ARMH3: variants seen among roughly 807,000 people sequenced by gnomAD.
ARMH3 encodes armadillo-like helical domain-containing protein 3.
A neutral mutation model predicts 99.1 loss-of-function variants in ARMH3; 60 were observed. The ratio of observed to expected loss-of-function variants is 0.61; its 90% CI spans 0.49 to 0.75. The LOEUF is 0.75. ARMH3 is among the 30% of genes least tolerant of loss of function. The pLI is 0.00. For missense variants in ARMH3, 679 were observed against 843.1 expected (o/e 0.81, Z 2.41); for synonymous variants, 285 against 292.8 (o/e 0.97, Z 0.27).
intron 25 of ARMH3, among the ~76,000 whole-genome samples, chr10:101,847,985 CTG>C (rs1165165125): frequency 6.6e-6 from 1 of 152,208 alleles, no homozygotes; most frequent in Non-Finnish European, 1.5e-5. Flanking sequence ...GGAGGAGAAA[CTG>C]AGGCCAGAAG....
intron 1 of ARMH3, among the ~76,000 whole-genome samples, chr10:102,047,685 G>A (rs1250444726): frequency 6.6e-6 from 1 of 151,798 alleles, no homozygotes; most frequent in African/African-American, 2.4e-5. Flanking sequence ...ACGAGATTTC[G>A]CCATGTTGCC....
chr10:101,866,377 C>T (rs2067002945), intron 24 of ARMH3, among the ~76,000 whole-genome samples: 1 of 151,128 alleles, frequency 6.6e-6, no homozygotes, highest in Non-Finnish European at 1.5e-5. Flanking sequence ...AGAGTCAGAG[C>T]ATTACAAGAA....
chr10:101,913,361 C>CTCTTTTTTTTTT (rs57213877), intron 23 of ARMH3: 1 of 70,278 alleles, frequency 1.4e-5, no homozygotes, highest in Admixed American at 1.9e-4. Flanking sequence ...CTCTCTCTCT[C>CTCTTTTTTTTTT]TTTTTTTTTT....
At chr10:101,951,758 C>T (rs1564787168) in intron 22 of ARMH3, among the ~76,000 whole-genome samples, 1 of 151,646 alleles carries the variant, frequency 6.6e-6, no homozygotes, top group Non-Finnish European at 1.5e-5. Context: ...ATCCCATTTA[C>T]CTGGGAGGCT....
chr10:102,007,370 T>C lies in ARMH3; in HGVS notation c.955-737A>G, dbSNP rs1026798215. Among the ~76,000 whole-genome samples the C allele has an allele frequency of 2.7e-5, 4 of 147,150 alleles. No individual in the cohort carries two copies. The East Asian group carries it at 8.0e-4, about 29-fold the overall frequency. On this transcript the variant is annotated intron_variant, in intron 13 of 25. Transcript: ENST00000370033. ...AAAAAAAAACTGGGGTCAACAAATA[T>C]ACAGGATTATTCTACAAGAGAGCAG...
chr10:101,902,191 C>G (rs937996575), intron 23 of ARMH3, among the ~76,000 whole-genome samples: 13 of 152,118 alleles, frequency 8.5e-5, no homozygotes, highest in Non-Finnish European at 1.5e-4. Flanking sequence ...ATGAAAGCCC[C>G]AAATTGACCA....
At chr10:101,899,326 A>T (rs956924212) in intron 23 of ARMH3, among the ~76,000 whole-genome samples, 4 of 152,192 alleles carry the variant, frequency 2.6e-5, no homozygotes, top group African/African-American at 7.2e-5. Flanking sequence ...TCATATTCGT[A>T]ATTGCTTTTA....
intron 22 of ARMH3, among the ~76,000 whole-genome samples, chr10:101,943,792 C>T (rs895667824): frequency 6.6e-6 from 1 of 151,846 alleles, no homozygotes; most frequent in East Asian, 1.9e-4. Context: ...AGGCCAGGCA[C>T]GGTGGTTCAT....
chr10:102,025,359 A>T (rs2066977896), intron 5 of ARMH3, 111 bp from the exon 6 acceptor site: 2 of 775,354 alleles, frequency 2.6e-6, no homozygotes, highest in Non-Finnish European at 4.2e-6. Context: ...TAAAGCAACA[A>T]CATCATTTCC....
At chr10:102,042,847 C>T (rs2067455998) in intron 1 of ARMH3, among the ~76,000 whole-genome samples, 1 of 152,164 alleles carries the variant, frequency 6.6e-6, no homozygotes, top group South Asian at 2.1e-4. Flanking sequence ...CCAAGGTGGG[C>T]GGATCACCTG....
intron 20 of ARMH3, among the ~76,000 whole-genome samples, chr10:101,960,518 C>T (rs1361820655): frequency 6.6e-6 from 1 of 152,138 alleles, no homozygotes; most frequent in East Asian, 1.9e-4. Context: ...ATGCCCCATT[C>T]CACCCTCACC....
At chr10:102,030,596 G>C (rs1020176228) in intron 4 of ARMH3, among the ~76,000 whole-genome samples, 13 of 152,030 alleles carry the variant, frequency 8.6e-5, no homozygotes, top group Admixed American at 5.2e-4. Flanking sequence ...TGTAATCCCA[G>C]CTATTCAGCA....
intron 21 of ARMH3, 73 bp from the exon 22 acceptor site, chr10:101,956,796 G>A: frequency 6.8e-7 from 1 of 1,475,356 alleles, no homozygotes; most frequent in South Asian, 1.4e-5. Flanking sequence ...GTATGCTGTA[G>A]CCAGCTCTTA....
chr10:101,909,250 T>C (rs577535926), intron 23 of ARMH3, among the ~76,000 whole-genome samples: 3 of 151,644 alleles, frequency 2.0e-5, no homozygotes, highest in Admixed American at 2.0e-4. Flanking sequence ...CTACTAAAAA[T>C]ACAAAAATTA....
chr10:101,982,686 C>T (rs1262120776), intron 19 of ARMH3, among the ~76,000 whole-genome samples: 3 of 152,122 alleles, frequency 2.0e-5, no homozygotes, highest in African/African-American at 7.2e-5. Flanking sequence ...ATTAGATTCT[C>T]ATAGGAGCAC....
chr10:101,938,388 A>C (rs936337911), intron 23 of ARMH3, among the ~76,000 whole-genome samples: 40 of 152,234 alleles, frequency 2.6e-4, no homozygotes, highest in Non-Finnish European at 5.0e-4. Context: ...TCAAAAGCTT[A>C]AATCAGCTGC....
At chr10:101,853,677 G>A (rs1469967593) in intron 24 of ARMH3, among the ~76,000 whole-genome samples, 1 of 152,162 alleles carries the variant, frequency 6.6e-6, no homozygotes, top group Non-Finnish European at 1.5e-5. Flanking sequence ...GGGCTTCCTA[G>A]AATCATGCCA....
In ARMH3 at chr10:102,013,961, T is replaced by A; in HGVS notation, c.726+7A>T. ...GTAAGACAATACACAAGGATCCAGA[T>A]ACTCACATTGAGTGTGGCCTCATCA... is the stretch of plus-strand genomic sequence containing the variant. On this transcript the variant is annotated splice_region_variant and intron_variant, in intron 9 of 25. Coordinates refer to ENST00000370033, the MANE Select transcript of ARMH3 (RefSeq NM_024541.3). 1 of 1,595,330 alleles carries A rather than the reference T, an allele frequency of 6.3e-7. No homozygotes were observed. The highest frequency in any genetic ancestry group is 8.6e-7 in the Non-Finnish European group (1 of 1,167,140).
chr10:101,944,173 G>C (rs1465979896), intron 22 of ARMH3, among the ~76,000 whole-genome samples: 2 of 144,982 alleles, frequency 1.4e-5, no homozygotes, highest in East Asian at 4.0e-4. Flanking sequence ...GAAACCCACG[G>C]CTAAGCACAG....
Sources: allele counts gnomAD v4.1 joint callset (sites outside exome capture counted in the v4.1 genomes callset), GRCh38; gene constraint gnomAD v4.1.1; transcripts MANE v1.5; gene names NCBI Gene and HGNC (gene_info 2026-07-23, HGNC 2026-07-21).